The following MSLN variants were observed in gnomAD, a reference collection of about 807,000 sequenced individuals.
MSLN encodes mesothelin, also known as CAK1 antigen.
In MSLN, 82 loss-of-function variants were observed where a neutral mutation model predicts 72.6. The observed-to-expected ratio is 1.13, with a 90% CI of 0.94 to 1.36. The LOEUF is 1.36. MSLN is among the 40% of genes most tolerant of loss of function. The probability of loss-of-function intolerance (pLI) is 0.00; values close to 1 mark genes in which losing one functional copy is unlikely to be tolerated. For synonymous variants in MSLN, 456 were observed against 387.3 expected, an observed-to-expected ratio of 1.18 and a Z score of -2.08; for missense variants, 1,005 against 847.9, an observed-to-expected ratio of 1.19 and a Z score of -2.30.
In MSLN at chr16:764,629, G is replaced by T. The variant is rs1012484305; in HGVS notation, c.301-18G>T. The T allele has an allele frequency of 1.9e-6, 3 of 1,609,836 alleles. No individual in the cohort carries two copies. The highest frequency in any genetic ancestry group is 2.5e-6 in the Non-Finnish European group (3 of 1,177,616). On this transcript the variant is annotated intron_variant, in intron 6 of 17. Transcript: ENST00000545450. ...TGGCGGCTCGAAACGCTCTGTGCTG[G>T]ACTCCCTGCCCCTGCAGCTGCGCTG...
At chr16:765,844 G>A (rs2041600484) in intron 11 of MSLN, 54 bp downstream of exon 11, 11 of 1,536,696 alleles carry the variant, frequency 7.2e-6, no homozygotes, top group Middle Eastern at 1.9e-4. Context: ...ACCCCTGGGG[G>A]TGGGCATCAC....
At position 763,663 on chromosome 16, in the gene MSLN, G is replaced by A. The variant is rs1292653293; in HGVS notation, c.151G>A (p.Val51Ile). ...CCAGGAGGCTGCGCCCCTGGACGGA[G>A]TCCTGGCCAACCCACCTAACATTTC... Reference protein sequence around the residue: ...TGQEAAPLDGVLANPPNISSL... With the variant: ...TGQEAAPLDGILANPPNISSL... Residue 51 changes from valine (V) to isoleucine (I), a missense_variant, in exon 5 of 18, where the codon GTC becomes ATC. Physicochemically the swap from Val to Ile is conservative, Grantham distance 29. Transcript: ENST00000545450. The A allele has an allele frequency of 3.8e-6, 6 of 1,590,712 alleles. No homozygotes were observed. The highest frequency in any genetic ancestry group is 1.4e-5 in the African/African-American group (1 of 72,058).
chr16:766,605 A>T (rs1332088784), intron 13 of MSLN, 63 bp from the exon 14 acceptor site: 1 of 1,610,892 alleles, frequency 6.2e-7, no homozygotes, highest in South Asian at 1.1e-5. Context: ...GCCTGAGGTT[A>T]TGCTGGTGGT....
Position 767,239 on chromosome 16 carries a change from G to C in MSLN, c.1502-137G>C, listed in dbSNP as rs1596695686. The stretch of plus-strand genomic sequence containing the variant: ...GTCTCCCACGCCTGGGGGTCAGGCG[G>C]CTAGGCAAACCCAGGCCCTGGAATC... On this transcript the variant is annotated intron_variant, in intron 15 of 17. Coordinates refer to ENST00000545450, the MANE Select transcript of MSLN (RefSeq NM_005823.6). 6 of 1,112,642 alleles carry C rather than the reference G, an allele frequency of 5.4e-6. No homozygotes were observed. The Admixed American group carries it at 1.2e-4, about 22-fold the overall frequency. 68.9% of individuals were successfully genotyped at this position (1,112,642 alleles called of 1,614,324 possible). A position where few individuals can be genotyped will look rare whatever the true frequency, so the allele number is the denominator to read the frequency against.
chr16:763,106 G>A (rs1431940937), intron 3 of MSLN, 127 bp from the exon 4 acceptor site: 2 of 648,582 alleles, frequency 3.1e-6, no homozygotes, highest in Non-Finnish European at 5.4e-6. Flanking sequence ...TGAGCCACTG[G>A]CTTCTCTTTG....
Position 768,784 on chromosome 16 carries a change from C to T in MSLN, c.*51C>T. 3 of 1,574,488 alleles carry T rather than the reference C, an allele frequency of 1.9e-6. No individual in the cohort carries two copies. Among genetic ancestry groups the T allele is most frequent in the Non-Finnish European group, 2.6e-6 (3 of 1,151,866 alleles). ...GCCCTGCTGGGGATCCCCGCCTGGC[C>T]AGGAGCAGGCACGGGTGGTCCCCGT... On this transcript the variant is annotated 3_prime_UTR_variant, in exon 18 of 18. Transcript: ENST00000545450.
At chr16:764,561 G>C in intron 6 of MSLN, 86 bp from the exon 7 acceptor site, 1 of 1,104,504 alleles carries the variant, frequency 9.1e-7, no homozygotes, top group African/African-American at 1.5e-5. Flanking sequence ...GGGGTGTGTT[G>C]TGGTGGGCAG....
intron 7 of MSLN, 46 bp from the exon 8 acceptor site, chr16:764,861 A>T (rs2041583607): frequency 6.2e-7 from 1 of 1,602,248 alleles, no homozygotes; most frequent in Admixed American, 1.7e-5. Context: ...CAGGGTGGGG[A>T]CGGGTGTGAT....
rs750178857 is a variant in MSLN at position 764,732 on chromosome 16, C to T, written c.380+6C>T. ...GACCTGCTGCTATTCCTCAAGTAGG[C>T]CCTGCCCCCTGAACCCACCCCCCCG... On this transcript the variant is annotated splice_donor_region_variant and intron_variant, in intron 7 of 17. Transcript: ENST00000545450. 8 of 1,605,258 alleles carry T rather than the reference C, an allele frequency of 5.0e-6. No individual in the cohort carries two copies. The highest frequency in any genetic ancestry group is 6.8e-6 in the Non-Finnish European group (8 of 1,174,614).
At chr16:762,416 C>T (rs1034547926) in intron 2 of MSLN, 10 of 505,930 alleles carry the variant, frequency 2.0e-5, no homozygotes, top group Non-Finnish European at 2.8e-5. Flanking sequence ...GAGGGGTGGG[C>T]GCCAACTGAC....
Position 767,478 on chromosome 16 carries a change from G to C in MSLN, c.1596+8G>C. 6.4e-7 allele frequency: 1 copy of C among 1,574,214 alleles called. No homozygotes were observed. The highest frequency in any genetic ancestry group is 8.6e-7 in the Non-Finnish European group (1 of 1,164,530). On this transcript the variant is annotated splice_region_variant and intron_variant, in intron 16 of 17. Coordinates refer to ENST00000545450, the MANE Select transcript of MSLN (RefSeq NM_005823.6). Reference sequence around the variant, plus strand: ...CGGACGGATGCGGTGCTGGTATGGCGAGCGGGAGGAGGGGCGTGTGGAGGA... The same window carrying C: ...CGGACGGATGCGGTGCTGGTATGGCCAGCGGGAGGAGGGGCGTGTGGAGGA...
chr16:762,535 G>T (rs2041548596), intron 2 of MSLN, 137 bp from the exon 3 acceptor site: 2 of 682,372 alleles, frequency 2.9e-6, no homozygotes, highest in Middle Eastern at 5.4e-4. Context: ...GCAGGGCCAG[G>T]GTGCGGACAC....
chr16:762,260 G>T (rs1050900337), intron 2 of MSLN, among the ~76,000 whole-genome samples: 2 of 152,246 alleles, frequency 1.3e-5, no homozygotes, highest in Non-Finnish European at 2.9e-5. Context: ...GCAGCTGAGG[G>T]CAGGGGAGAG....
rs2151614143 is a variant in MSLN, at chr16:763,635, T to C, written c.130-7T>C. 1 of 1,597,700 alleles carries C rather than the reference T, an allele frequency of 6.3e-7. No homozygotes were observed. The highest frequency in any genetic ancestry group is 1.1e-5 in the South Asian group (1 of 90,216). On this transcript the variant is annotated splice_polypyrimidine_tract_variant and splice_region_variant and intron_variant, in intron 4 of 17. Coordinates refer to ENST00000545450, the MANE Select transcript of MSLN (RefSeq NM_005823.6). Reference sequence around the variant, plus strand: ...TGAGCCATGTTCAGCAGGCCCTGTGTCCCCAGGAGGCTGCGCCCCTGGACG... The same window carrying C: ...TGAGCCATGTTCAGCAGGCCCTGTGCCCCCAGGAGGCTGCGCCCCTGGACG...
In MSLN at chr16:768,055, A is replaced by G. The variant is rs1177814414; in HGVS notation, c.1597-324A>G. Among the ~76,000 whole-genome samples, 3 of 59,930 alleles carry G rather than the reference A, an allele frequency of 5.0e-5. 1 individual carries two copies. The highest frequency in any genetic ancestry group is 1.6e-3 in the South Asian group (2 of 1,224). The allele number at this position is 59,930 out of a possible 152,430, so 39.3% of individuals were successfully genotyped here. ...GGGGGCGCGTGGAGGGGGCGCGTGG[A>G]GGAGGGGCACATGGAGGGGGGGGCA... On this transcript the variant is annotated intron_variant, in intron 16 of 17. Coordinates refer to ENST00000545450, the MANE Select transcript of MSLN (RefSeq NM_005823.6).
Position 768,492 on chromosome 16 carries a change from C to T in MSLN, c.1710C>T (p.Asp570=), listed in dbSNP as rs748629671. The T allele has an allele frequency of 1.3e-5, 21 of 1,582,312 alleles. No homozygotes were observed. In the East Asian group the frequency reaches 2.5e-4, roughly 19 times the overall value. ...GGATCCTACGGCAGCGGCAGGACGA[C>T]CTGGACACGCTGGGGCTGGGGCTAC... ...RDWILRQRQD[D]LDTLGLGLQG... The change falls in exon 17 of 18, where the codon GAC becomes GAT. Residue 570 remains aspartate (D), a synonymous_variant. Coordinates refer to ENST00000545450, the MANE Select transcript of MSLN (RefSeq NM_005823.6).
rs1350411387 is a variant in MSLN at position 760,768 on chromosome 16, C to T, written c.-165C>T. On this transcript the variant is annotated 5_prime_UTR_variant, in exon 1 of 18. Coordinates refer to ENST00000545450, the MANE Select transcript of MSLN (RefSeq NM_005823.6). ...TCCCTTTGACGGCCCGGGAGGCTGC[C>T]AGGCTCTCCACCCCCACTTCCCAAT... 6.6e-6 allele frequency: 1 copy of T among 152,428 alleles called. No individual in the cohort carries two copies. The highest frequency in any genetic ancestry group is 1.5e-5 in the Non-Finnish European group (1 of 68,186). The allele number at this position is 152,428 out of a possible 1,614,324, so 9.4% of individuals were successfully genotyped here.
Position 768,414 on chromosome 16 carries a change from A to AGGG in MSLN, c.1632_1633insGGG (p.Gly544dup). 6.6e-7 allele frequency: 1 copy of AGGG among 1,511,696 alleles called. No homozygotes were observed. The highest frequency in any genetic ancestry group is 8.9e-7 in the Non-Finnish European group (1 of 1,128,500). 93.6% of individuals were successfully genotyped at this position (1,511,696 alleles called of 1,614,324 possible). ...TGGCTGAGGTGCAGAAACTTCTGGG[A>AGGG]CCCCACGTGGAGGGCCTGAAGGCGG... On this transcript the variant is annotated inframe_insertion, in exon 17 of 18. Coordinates refer to ENST00000545450, the MANE Select transcript of MSLN (RefSeq NM_005823.6).
Position 767,390 on chromosome 16 carries a change from G to A in MSLN, c.1516G>A (p.Glu506Lys). The change falls in exon 16 of 18, where the codon GAG becomes AAG. Residue 506 changes from glutamate to lysine, a missense_variant. Glu to Lys is a moderately conservative substitution (Grantham distance 56). Coordinates refer to ENST00000545450, the MANE Select transcript of MSLN (RefSeq NM_005823.6). ...CCGGCGGGCAGGTGGGGCCCCCACG[G>A]AGGATTTGAAGGCGCTCAGTCAGCA... ...IQSFLGGAPTEDLKALSQQNV... is the reference protein window; with the variant it reads ...IQSFLGGAPTKDLKALSQQNV... 1 of 1,610,896 alleles carries A rather than the reference G, an allele frequency of 6.2e-7. No homozygotes were observed. The highest frequency in any genetic ancestry group is 8.5e-7 in the Non-Finnish European group (1 of 1,179,352).
Sources: gnomAD v4.1 joint callset for allele counts (sites outside exome capture counted in the v4.1 genomes callset) on GRCh38, gnomAD v4.1.1 for gene constraint, MANE v1.5 for transcripts, NCBI Gene and HGNC (gene_info 2026-07-23, HGNC 2026-07-21) for gene names.